The following BLVRA variants were observed in gnomAD, a reference collection of about 807,000 sequenced individuals.
The protein encoded by BLVRA is BVR A.
In BLVRA, 22 loss-of-function variants were observed where a neutral mutation model predicts 32.8. The observed-to-expected ratio is 0.67, with a 90% CI of 0.48 to 0.96. The LOEUF (loss-of-function observed/expected upper bound fraction) is 0.96, where lower values mean the gene tolerates loss of function less well. Among genes scored for constraint, BLVRA ranks in the 40% least tolerant of loss-of-function variants. The pLI is 0.00. For missense variants in BLVRA, 323 were observed against 358.1 expected, an observed-to-expected ratio of 0.90 and a Z score of 0.79; for synonymous variants, 119 against 141.3, an observed-to-expected ratio of 0.84 and a Z score of 1.12.
rs748451417 is a variant in BLVRA at position 43,771,188 on chromosome 7, A to G, written c.12+18A>G. 3.1e-6 allele frequency: 5 copies of G among 1,613,134 alleles called. No homozygotes were observed. The South Asian group carries it at 3.3e-5, about 11-fold the overall frequency. ...ATGCAGAGGTGAGTTCTTTACAAAG[A>G]CCAGTTTAAGGGATGCTTTTCTTAT... On this transcript the variant is annotated intron_variant, in intron 2 of 7. Transcript: ENST00000265523.
At chr7:43,777,070 C>T (rs1215602617) in intron 2 of BLVRA, among the ~76,000 whole-genome samples, 1 of 150,382 alleles carries the variant, frequency 6.6e-6, no homozygotes, top group Non-Finnish European at 1.5e-5. Context: ...GAATACAGCA[C>T]ACTGATGGGT....
chr7:43,774,777 A>T (rs1203999123), intron 2 of BLVRA, among the ~76,000 whole-genome samples: 1 of 152,112 alleles, frequency 6.6e-6, no homozygotes, highest in Non-Finnish European at 1.5e-5. Flanking sequence ...ATGAGCATGG[A>T]ATGTTCTTCC....
chr7:43,796,282 C>T (rs2095792818), intron 5 of BLVRA, among the ~76,000 whole-genome samples: 1 of 152,080 alleles, frequency 6.6e-6, no homozygotes, highest in South Asian at 2.1e-4. Context: ...CTCCAACAAT[C>T]GGATAATCTA....
At chr7:43,805,064 A>C (rs2095802655) in intron 7 of BLVRA, among the ~76,000 whole-genome samples, 1 of 152,140 alleles carries the variant, frequency 6.6e-6, no homozygotes, top group South Asian at 2.1e-4. Flanking sequence ...TGTGAGTGTT[A>C]GGATTGCAGC....
At chr7:43,769,678 G>C (rs1454709264) in intron 1 of BLVRA, among the ~76,000 whole-genome samples, 1 of 151,708 alleles carries the variant, frequency 6.6e-6, no homozygotes, top group Non-Finnish European at 1.5e-5. Context: ...CTCGATCTTG[G>C]CTCACTGCAG....
chr7:43,780,746 C>T (rs1483683967), intron 2 of BLVRA, among the ~76,000 whole-genome samples: 1 of 152,246 alleles, frequency 6.6e-6, no homozygotes, highest in Non-Finnish European at 1.5e-5. Flanking sequence ...TCTCCATCCC[C>T]ATTCTCACCC....
At chr7:43,784,075 C>CT (rs2095773784) in intron 2 of BLVRA, among the ~76,000 whole-genome samples, 2 of 152,236 alleles carry the variant, frequency 1.3e-5, no homozygotes, top group African/African-American at 4.8e-5. Context: ...CAAGCTCACT[C>CT]TGTGACTGTG....
chr7:43,796,508 CA>C (rs1271923693), intron 5 of BLVRA, among the ~76,000 whole-genome samples: 1 of 152,072 alleles, frequency 6.6e-6, no homozygotes, highest in Non-Finnish European at 1.5e-5. Flanking sequence ...TATCCACATG[CA>C]AAAGAATGAA....
intron 6 of BLVRA, among the ~76,000 whole-genome samples, chr7:43,800,803 T>C (rs532099451): frequency 1.2e-4 from 19 of 152,284 alleles, no homozygotes; most frequent in Middle Eastern, 3.4e-3. Context: ...TAGTTGGAGA[T>C]TATTTTTCAA....
rs17246086 is a variant in BLVRA, at chr7:43,803,544, A to G, written c.461-132A>G. The G allele has an allele frequency of 0.011, 10,749 of 1,014,526 alleles. 814 individuals are homozygous for G. The African/African-American group carries it at 0.15, about 14-fold the overall frequency. The allele number at this position is 1,014,526 out of a possible 1,614,324, so 62.8% of individuals were successfully genotyped here. ...ATTAATCACGTTGCCTGCCTACCACATAAGGCAAGGTCCCATTGTACTGAT... is the reference window on the plus strand; with the variant it reads ...ATTAATCACGTTGCCTGCCTACCACGTAAGGCAAGGTCCCATTGTACTGAT... On this transcript the variant is annotated intron_variant, in intron 6 of 7. Transcript: ENST00000265523.
chr7:43,762,454 G>A (rs1225523020), intron 1 of BLVRA, among the ~76,000 whole-genome samples: 1 of 151,802 alleles, frequency 6.6e-6, no homozygotes, highest in Non-Finnish European at 1.5e-5. Flanking sequence ...AAATCAAAAG[G>A]GAAACATAAT....
At chr7:43,800,385 G>T in intron 5 of BLVRA, 80 bp from the exon 6 acceptor site, 1 of 1,334,256 alleles carries the variant, frequency 7.5e-7, no homozygotes, top group South Asian at 1.2e-5. Flanking sequence ...CTTGTGTTAG[G>T]GGATGACAGA....
At chr7:43,802,289 T>A (rs1306168073) in intron 6 of BLVRA, among the ~76,000 whole-genome samples, 2 of 152,234 alleles carry the variant, frequency 1.3e-5, no homozygotes, top group African/African-American at 4.8e-5. Context: ...GTTTTATATA[T>A]AACTTATTAC....
intron 1 of BLVRA, among the ~76,000 whole-genome samples, chr7:43,764,918 A>C (rs2095746146): frequency 6.6e-6 from 1 of 152,176 alleles, no homozygotes; most frequent in Non-Finnish European, 1.5e-5. Context: ...GCTCTTGATC[A>C]CATAGCTAGT....
At chr7:43,759,834 C>T (rs938084436) in intron 1 of BLVRA, among the ~76,000 whole-genome samples, 1 of 152,090 alleles carries the variant, frequency 6.6e-6, no homozygotes, top group African/African-American at 2.4e-5. Context: ...CTTCCCTTAA[C>T]GGGATGCATT....
chr7:43,773,839 T>C (rs2095757374), intron 2 of BLVRA, among the ~76,000 whole-genome samples: 2 of 152,236 alleles, frequency 1.3e-5, no homozygotes, highest in Non-Finnish European at 2.9e-5. Flanking sequence ...TTCTAACTGG[T>C]GTGAGATGGC....
chr7:43,793,030 T>C (rs749533860), intron 5 of BLVRA, among the ~76,000 whole-genome samples: 2 of 152,232 alleles, frequency 1.3e-5, no homozygotes, highest in Non-Finnish European at 2.9e-5. Context: ...TATCAGCTTA[T>C]TTTACTCACT....
At chr7:43,767,510 G>C in intron 1 of BLVRA, 2 of 1,214,122 alleles carry the variant, frequency 1.6e-6, no homozygotes, top group Non-Finnish European at 2.4e-6. Flanking sequence ...TATTGTTGCC[G>C]TGGTCACCGG....
intron 1 of BLVRA, among the ~76,000 whole-genome samples, chr7:43,765,626 C>A (rs1296844325): frequency 6.6e-6 from 1 of 152,112 alleles, no homozygotes; most frequent in Non-Finnish European, 1.5e-5. Context: ...TATTAATTCA[C>A]CCTAATTTAA....
Sources: gnomAD v4.1 joint callset for allele counts (sites outside exome capture counted in the v4.1 genomes callset) on GRCh38, gnomAD v4.1.1 for gene constraint, MANE v1.5 for transcripts, NCBI Gene and HGNC (gene_info 2026-07-23, HGNC 2026-07-21) for gene names.